EFCAB6: variants seen among roughly 807,000 people sequenced by gnomAD.
EFCAB6 encodes EF-hand calcium-binding domain-containing protein 6.
In EFCAB6, 156 loss-of-function variants were observed where a neutral mutation model predicts 169.8. That is an observed-to-expected ratio of 0.92 (90% confidence interval 0.81 to 1.05). The LOEUF is 1.05. EFCAB6 is among the 50% of genes least tolerant of loss of function. The probability of loss-of-function intolerance (pLI) is 0.00; values close to 1 mark genes in which losing one functional copy is unlikely to be tolerated. For missense variants in EFCAB6, 1,800 were observed against 1,829.1 expected (o/e 0.98, Z 0.29); for synonymous variants, 698 against 676.4 (o/e 1.03, Z -0.50).
At chr22:43,679,969 G>A (rs957115651) in intron 12 of EFCAB6, among the ~76,000 whole-genome samples, 18 of 152,220 alleles carry the variant, frequency 1.2e-4, no homozygotes, top group African/African-American at 4.1e-4. Context: ...TTTGAAGCAT[G>A]AAATTTAATT....
rs759373628 is a variant in EFCAB6, at chr22:43,667,148, T to C, written c.1939A>G (p.Ser647Gly). The change falls in exon 17 of 32, where the codon AGC (serine) becomes GGC (glycine). Residue 647 changes from serine (S) to glycine (G), a missense_variant. Physicochemically the swap from Ser to Gly is moderately conservative, Grantham distance 56. Transcript: ENST00000262726. The stretch of plus-strand genomic sequence containing the variant: ...TTAATTTTTCCATTAGGCTCCTTGC[T>C]GAAGTCAAGAAATCGTTTTTTGAAT... Reference protein sequence around the residue: ...PAFKKRFLDFSKEPNGKINVH... With the variant: ...PAFKKRFLDFGKEPNGKINVH... The C allele has an allele frequency of 6.2e-6, 10 of 1,614,044 alleles. No homozygotes were observed. Among genetic ancestry groups the C allele is most frequent in the Non-Finnish European group, 8.5e-6 (10 of 1,180,024 alleles).
chr22:43,710,585 A>C (rs931774982), intron 10 of EFCAB6, among the ~76,000 whole-genome samples: 1 of 152,204 alleles, frequency 6.6e-6, no homozygotes, highest in African/African-American at 2.4e-5. Flanking sequence ...TGTTGTCACC[A>C]AATAGTTGGA....
chr22:43,647,850 A>G (rs1196735269), intron 17 of EFCAB6, among the ~76,000 whole-genome samples: 3 of 152,236 alleles, frequency 2.0e-5, no homozygotes, highest in Non-Finnish European at 4.4e-5. Flanking sequence ...GCAGGCAGCC[A>G]TTGGGAGCTG....
At chr22:43,618,485 GA>G (rs1227147182) in intron 20 of EFCAB6, among the ~76,000 whole-genome samples, 1 of 152,088 alleles carries the variant, frequency 6.6e-6, no homozygotes, top group African/African-American at 2.4e-5. Context: ...ATCCTACACA[GA>G]ATACAAAACA....
chr22:43,633,518 A>G (rs1233806089), intron 18 of EFCAB6, among the ~76,000 whole-genome samples: 6 of 152,212 alleles, frequency 3.9e-5, no homozygotes, highest in African/African-American at 1.4e-4. Flanking sequence ...ACTGCACTTC[A>G]GCCTGGTGAC....
intron 13 of EFCAB6, among the ~76,000 whole-genome samples, chr22:43,675,482 A>T (rs1383836170): frequency 7.1e-6 from 1 of 141,242 alleles, no homozygotes; most frequent in Non-Finnish European, 1.5e-5. Flanking sequence ...TATAATATGT[A>T]ATATTATATA....
chr22:43,754,121 T>C (rs1230235398), intron 6 of EFCAB6, among the ~76,000 whole-genome samples: 1 of 152,218 alleles, frequency 6.6e-6, no homozygotes, highest in Admixed American at 6.5e-5. Flanking sequence ...TGGAAAGGAA[T>C]GAGATTCATT....
At chr22:43,630,867 C>T (rs192861508) in intron 19 of EFCAB6, among the ~76,000 whole-genome samples, 5 of 150,770 alleles carry the variant, frequency 3.3e-5, no homozygotes, top group East Asian at 1.9e-4. Context: ...AGGACCAATC[C>T]GTCTCCATGT....
At chr22:43,666,000 C>G (rs1189197223) in intron 17 of EFCAB6, among the ~76,000 whole-genome samples, 2 of 152,190 alleles carry the variant, frequency 1.3e-5, no homozygotes, top group South Asian at 2.1e-4. Context: ...GTTGGCTAGG[C>G]TGGTCTTGAA....
intron 26 of EFCAB6, among the ~76,000 whole-genome samples, chr22:43,556,075 G>C (rs554213255): frequency 2.0e-5 from 3 of 152,170 alleles, no homozygotes; most frequent in Non-Finnish European, 4.4e-5. Flanking sequence ...CAATTGCAAG[G>C]GGCCTTATCC....
At chr22:43,593,128 T>A (rs975930441) in intron 23 of EFCAB6, among the ~76,000 whole-genome samples, 5 of 152,066 alleles carry the variant, frequency 3.3e-5, no homozygotes, top group African/African-American at 9.7e-5. Flanking sequence ...CAGCAAAATT[T>A]AAAAACAGGC....
At chr22:43,806,008 T>C (rs917369789) in intron 2 of EFCAB6, among the ~76,000 whole-genome samples, 1 of 151,772 alleles carries the variant, frequency 6.6e-6, no homozygotes. Flanking sequence ...CTACTAAAAA[T>C]ACAAAAACTT....
chr22:43,768,992 G>A (rs1461380323), intron 4 of EFCAB6, among the ~76,000 whole-genome samples: 1 of 152,102 alleles, frequency 6.6e-6, no homozygotes, highest in African/African-American at 2.4e-5. Flanking sequence ...TTCTCCCCTA[G>A]GTATGTACCC....
At position 43,686,978 on chromosome 22, in the gene EFCAB6, G is replaced by A. The variant is rs981838231; in HGVS notation, c.1142+493C>T. Reference sequence around the variant, plus strand: ...CTGAGGTTATAATAGATATTAAAACGAAAACAGAAATAATGATAGACAAAT... The same window carrying A: ...CTGAGGTTATAATAGATATTAAAACAAAAACAGAAATAATGATAGACAAAT... On this transcript the variant is annotated intron_variant, in intron 11 of 31. Coordinates refer to ENST00000262726, the MANE Select transcript of EFCAB6 (RefSeq NM_022785.4). 6.6e-5 allele frequency among the ~76,000 whole-genome samples: 10 copies of A among 151,864 alleles called. No homozygotes were observed. In the East Asian group the frequency reaches 7.7e-4, roughly 12 times the overall value.
Position 43,711,455 on chromosome 22 carries a change from G to A in EFCAB6, c.1031+20C>T. 6.5e-7 allele frequency: 1 copy of A among 1,540,318 alleles called. No homozygotes were observed. Among genetic ancestry groups the A allele is most frequent in the East Asian group, 2.3e-5 (1 of 43,140 alleles). ...TGACGTTTGGGGAAAAAAATGTCAA[G>A]GAAACAATGAGACTCTTACCTTTTC... On this transcript the variant is annotated intron_variant, in intron 10 of 31. Transcript: ENST00000262726.
intron 21 of EFCAB6, among the ~76,000 whole-genome samples, chr22:43,614,972 G>C (rs1025363436): frequency 6.6e-6 from 1 of 152,226 alleles, no homozygotes; most frequent in Non-Finnish European, 1.5e-5. Context: ...CCACAGCACA[G>C]ACAGTCCACT....
At chr22:43,659,087 T>C (rs918630058) in intron 17 of EFCAB6, among the ~76,000 whole-genome samples, 8 of 152,216 alleles carry the variant, frequency 5.3e-5, no homozygotes, top group Admixed American at 1.3e-4. Flanking sequence ...CCCTTGCCTG[T>C]GGTACCCCTA....
At chr22:43,566,669 C>T (rs111265596) in intron 26 of EFCAB6, among the ~76,000 whole-genome samples, 17,237 of 152,234 alleles carry the variant, frequency 0.11, 1,314 homozygotes, top group South Asian at 0.22. Context: ...CAACCACCTA[C>T]CACATGTGCA....
chr22:43,658,633 G>A (rs2056862027), intron 17 of EFCAB6, among the ~76,000 whole-genome samples: 1 of 152,212 alleles, frequency 6.6e-6, no homozygotes, highest in Non-Finnish European at 1.5e-5. Flanking sequence ...AGCTGAGGCT[G>A]TGGCTGCTTT....
Sources: gnomAD v4.1 joint callset for allele counts (sites outside exome capture counted in the v4.1 genomes callset) on GRCh38, gnomAD v4.1.1 for gene constraint, MANE v1.5 for transcripts, NCBI Gene and HGNC (gene_info 2026-07-23, HGNC 2026-07-21) for gene names.